The following CRYBA4 variants were observed in gnomAD, a reference collection of about 807,000 sequenced individuals.
The protein encoded by CRYBA4 is beta-crystallin A4.
In CRYBA4, 30 loss-of-function variants were observed where a neutral mutation model predicts 31.7. The ratio of observed to expected loss-of-function variants is 0.95; its 90% CI spans 0.71 to 1.28. The LOEUF is 1.28. Ranked by LOEUF, CRYBA4 falls within the 50% of genes most tolerant of loss-of-function variation. The pLI is 0.00. For missense variants in CRYBA4, 225 were observed against 260.7 expected (o/e 0.86, Z 0.94); for synonymous variants, 102 against 102.3 (o/e 1.00, Z 0.02).
the CRYBA4 span, among the ~76,000 whole-genome samples, chr22:26,611,454 G>GTTTTTGTTTTTTTTT: frequency 7.0e-6 from 1 of 142,696 alleles, no homozygotes; most frequent in African/African-American, 2.6e-5. Flanking sequence ...GCTAGAGTTT[G>GTTTTTGTTTTTTTTT]TTTTTTTTTT....
chr22:26,619,258 G>C (rs1237647913), upstream of CRYBA4, among the ~76,000 whole-genome samples: 2 of 152,154 alleles, frequency 1.3e-5, no homozygotes, highest in Non-Finnish European at 2.9e-5. Context: ...AGGGGACATG[G>C]ACAGTGAAGG....
chr22:26,606,500 C>T, the CRYBA4 span, among the ~76,000 whole-genome samples: 9 of 152,184 alleles, frequency 5.9e-5, no homozygotes, highest in Non-Finnish European at 1.2e-4. Flanking sequence ...TAGCAAGCTT[C>T]TAGAAGCTAC....
Position 26,627,359 on chromosome 22 carries a change from CCTTTCTTTCTTTCTTT to C in CRYBA4, c.301-876_301-861del, listed in dbSNP as rs1245733367. Among the ~76,000 whole-genome samples the C allele has an allele frequency of 4.5e-3, 189 of 41,788 alleles. 2 individuals carry two copies. Among genetic ancestry groups the C allele is most frequent in the Middle Eastern group, 0.011 (1 of 90 alleles). 27.4% of individuals were successfully genotyped at this position (41,788 alleles called of 152,430 possible). On this transcript the variant is annotated intron_variant, in intron 4 of 5. Coordinates refer to ENST00000354760, the MANE Select transcript of CRYBA4 (RefSeq NM_001886.3). ...CCCCTCCCTCCCTCCCTCCCTCCCT[CCTTTCTTTCTTTCTTT>C]CTTTCTTTCTTTCTTTCTTTCTTTC...
chr22:26,628,260 G>T, intron 4 of CRYBA4, 28 bp from the exon 5 acceptor site: 1 of 1,613,774 alleles, frequency 6.2e-7, no homozygotes, highest in Non-Finnish European at 8.5e-7. Context: ...GGAGCCTGCT[G>T]GTCTGACTGT....
the CRYBA4 span, among the ~76,000 whole-genome samples, chr22:26,593,839 T>A: frequency 1.3e-5 from 2 of 152,320 alleles, no homozygotes; most frequent in South Asian, 4.1e-4. Context: ...GAAAACACTT[T>A]ATTCAGGTGC....
At chr22:26,624,721 C>T (rs1009055996) in intron 3 of CRYBA4, among the ~76,000 whole-genome samples, 1 of 152,234 alleles carries the variant, frequency 6.6e-6, no homozygotes, top group African/African-American at 2.4e-5. Context: ...ATTACTTATA[C>T]AGACAGTAAA....
the CRYBA4 span, among the ~76,000 whole-genome samples, chr22:26,606,259 G>A: frequency 0.25 from 38,413 of 152,024 alleles, 5,189 homozygotes; most frequent in Non-Finnish European, 0.3. Context: ...TCTAGGCTTT[G>A]AGATTTCTAA....
At chr22:26,619,698 G>C (rs1212128142), upstream of CRYBA4, among the ~76,000 whole-genome samples, 2 of 152,200 alleles carry the variant, frequency 1.3e-5, no homozygotes, top group Non-Finnish European at 2.9e-5. Flanking sequence ...AAGACTTGGT[G>C]GGTGGGGTGT....
At chr22:26,629,877 A>G (rs1363594551) in intron 5 of CRYBA4, among the ~76,000 whole-genome samples, 1 of 152,190 alleles carries the variant, frequency 6.6e-6, no homozygotes, top group Non-Finnish European at 1.5e-5. Flanking sequence ...GCAAATATTT[A>G]GGAACCCCTT....
chr22:26,590,225 G>C, the CRYBA4 span: 4 of 141,928 alleles, frequency 2.8e-5, no homozygotes, highest in Middle Eastern at 3.6e-3. Flanking sequence ...CCTCCACTGC[G>C]CCTCGGGACC....
At chr22:26,616,221 A>C in the CRYBA4 span, 7 of 1,613,708 alleles carry the variant, frequency 4.3e-6, no homozygotes, top group African/African-American at 2.7e-5. Flanking sequence ...TGCCGGGACT[A>C]GGGGATGTTC....
chr22:26,601,779 C>T, the CRYBA4 span: 2 of 1,582,932 alleles, frequency 1.3e-6, no homozygotes, highest in Non-Finnish European at 1.7e-6. Flanking sequence ...GGGCCATGGC[C>T]TTCTCTAGGA....
At chr22:26,606,733 C>T in the CRYBA4 span, among the ~76,000 whole-genome samples, 4 of 152,200 alleles carry the variant, frequency 2.6e-5, no homozygotes, top group African/African-American at 9.7e-5. Context: ...GTGGTTGGCA[C>T]TTGATAGCCT....
upstream of CRYBA4, among the ~76,000 whole-genome samples, chr22:26,620,099 T>C (rs1250728199): frequency 6.6e-6 from 1 of 151,984 alleles, no homozygotes; most frequent in South Asian, 2.1e-4. Flanking sequence ...AGCAACTCCC[T>C]TTCCTTCCTC....
At chr22:26,600,391 G>A in the CRYBA4 span, among the ~76,000 whole-genome samples, 1 of 151,498 alleles carries the variant, frequency 6.6e-6, no homozygotes, top group South Asian at 2.1e-4. Flanking sequence ...GACAGAGCGA[G>A]ACTCCATCTC....
the CRYBA4 span, among the ~76,000 whole-genome samples, chr22:26,600,554 C>T: frequency 6.6e-6 from 1 of 152,306 alleles, no homozygotes; most frequent in African/African-American, 2.4e-5. Flanking sequence ...GGTATCAGAA[C>T]CTCAATGTAC....
the CRYBA4 span, among the ~76,000 whole-genome samples, chr22:26,592,993 A>T: frequency 6.6e-6 from 1 of 152,136 alleles, no homozygotes; most frequent in Non-Finnish European, 1.5e-5. Context: ...CCAGGTCTCA[A>T]TCTGTCTGTC....
At chr22:26,601,921 C>A in the CRYBA4 span, 2 of 1,612,790 alleles carry the variant, frequency 1.2e-6, no homozygotes, top group Non-Finnish European at 1.7e-6. Flanking sequence ...GTCACTGAAG[C>A]CGTAGACCCA....
the CRYBA4 span, among the ~76,000 whole-genome samples, chr22:26,610,892 A>G: frequency 6.6e-6 from 1 of 152,282 alleles, no homozygotes; most frequent in Admixed American, 6.5e-5. Flanking sequence ...CTCAAAGCTC[A>G]TCTCGGAATG....
Sources: allele counts gnomAD v4.1 joint callset (sites outside exome capture counted in the v4.1 genomes callset), GRCh38; gene constraint gnomAD v4.1.1; transcripts MANE v1.5; gene names NCBI Gene and HGNC (gene_info 2026-07-23, HGNC 2026-07-21).